CSMD1: variants seen among roughly 807,000 people sequenced by gnomAD.
CSMD1 encodes the protein CUB and sushi domain-containing protein 1.
A neutral mutation model predicts 417.5 loss-of-function variants in CSMD1; 213 were observed. The ratio of observed to expected loss-of-function variants is 0.51; its 90% confidence interval spans 0.46 to 0.57. The LOEUF (loss-of-function observed/expected upper bound fraction) is 0.57, where lower values mean the gene tolerates loss of function less well. Ranked by LOEUF, CSMD1 falls within the 20% of genes least tolerant of loss-of-function variation. The pLI is 0.00. For synonymous variants in CSMD1, 2,862 were observed against 1,736.8 expected (o/e 1.65, Z -16.11); for missense variants, 6,923 against 4,529.7 (o/e 1.53, Z -15.17).
chr8:3,718,296 A>C (rs574170651), intron 6 of CSMD1, among the ~76,000 whole-genome samples: 1 of 151,750 alleles, frequency 6.6e-6, no homozygotes, highest in East Asian at 1.9e-4. Flanking sequence ...GCATTCCTGC[A>C]TTTTTTTTAT....
intron 3 of CSMD1, among the ~76,000 whole-genome samples, chr8:4,402,091 C>G (rs959891085): frequency 6.6e-6 from 1 of 152,050 alleles, no homozygotes; most frequent in Non-Finnish European, 1.5e-5. Flanking sequence ...TTCTCAACCT[C>G]CTCCCCTTCC....
At chr8:4,124,353 C>A (rs541467379) in intron 3 of CSMD1, among the ~76,000 whole-genome samples, 2 of 152,150 alleles carry the variant, frequency 1.3e-5, no homozygotes, top group South Asian at 4.1e-4. Flanking sequence ...CTTTTCTTTA[C>A]GGATATGAAA....
chr8:4,442,309 AAC>A (rs1798530919), intron 2 of CSMD1, among the ~76,000 whole-genome samples: 2 of 152,308 alleles, frequency 1.3e-5, no homozygotes, highest in East Asian at 1.9e-4. Context: ...AAAAGAAATG[AAC>A]ACAAAGTATA....
At chr8:3,811,401 T>C (rs961345918) in intron 5 of CSMD1, among the ~76,000 whole-genome samples, 2 of 152,178 alleles carry the variant, frequency 1.3e-5, no homozygotes, top group East Asian at 1.9e-4. Context: ...CTATAGACCA[T>C]GTAGTAAGGC....
At chr8:3,388,978 G>A (rs935493441) in intron 17 of CSMD1, among the ~76,000 whole-genome samples, 1 of 151,404 alleles carries the variant, frequency 6.6e-6, no homozygotes, top group Non-Finnish European at 1.5e-5. Context: ...CTTCTTCCAG[G>A]ACACTCCCAC....
intron 6 of CSMD1, among the ~76,000 whole-genome samples, chr8:3,719,584 G>T (rs13272777): frequency 0.097 from 14,773 of 152,176 alleles, 1,309 homozygotes; most frequent in East Asian, 0.33. Context: ...TACATCTCTT[G>T]CAAGAGTGCT....
intron 23 of CSMD1, among the ~76,000 whole-genome samples, chr8:3,315,041 C>G (rs188905913): frequency 3.9e-5 from 6 of 152,190 alleles, no homozygotes; most frequent in East Asian, 1.9e-4. Flanking sequence ...TCATGAGCAA[C>G]TGAAAAAAGC....
At chr8:3,635,134 T>G (rs1169452026) in intron 7 of CSMD1, among the ~76,000 whole-genome samples, 1 of 152,048 alleles carries the variant, frequency 6.6e-6, no homozygotes, top group Non-Finnish European at 1.5e-5. Flanking sequence ...ACTCAGTAAG[T>G]GGACGGTGAG....
intron 49 of CSMD1, among the ~76,000 whole-genome samples, chr8:3,056,016 G>C (rs1339628024): frequency 6.6e-6 from 1 of 152,172 alleles, no homozygotes; most frequent in Admixed American, 6.5e-5. Flanking sequence ...ATTATACGCA[G>C]AAAATCTAAT....
intron 3 of CSMD1, among the ~76,000 whole-genome samples, chr8:4,252,217 A>G (rs1803128831): frequency 1.3e-5 from 2 of 152,144 alleles, no homozygotes; most frequent in Non-Finnish European, 1.5e-5. Flanking sequence ...ACAAAGGTAA[A>G]CAGGCATAGA....
intron 3 of CSMD1, among the ~76,000 whole-genome samples, chr8:4,393,496 G>C (rs1803997510): frequency 6.6e-6 from 1 of 152,170 alleles, no homozygotes; most frequent in Non-Finnish European, 1.5e-5. Context: ...CCACTATGTA[G>C]ATTTAAACAT....
chr8:4,159,217 G>A lies in CSMD1; in HGVS notation c.416-127118C>T, dbSNP rs541075191. On this transcript the variant is annotated intron_variant, in intron 3 of 69. Coordinates refer to ENST00000635120, the MANE Select transcript of CSMD1 (RefSeq NM_033225.6). ...AGGCATGAGCCACCGTGCCCAGCCCGTAATTCTTTATTGATAGATAACCGT... is the reference window on the plus strand; with the variant it reads ...AGGCATGAGCCACCGTGCCCAGCCCATAATTCTTTATTGATAGATAACCGT... Among the ~76,000 whole-genome samples the A allele has an allele frequency of 1.1e-4, 17 of 152,164 alleles. No homozygotes were observed. The East Asian group carries it at 1.4e-3, about 12-fold the overall frequency.
chr8:3,843,096 ATTTATTC>A (rs1479789663), intron 5 of CSMD1, among the ~76,000 whole-genome samples: 1 of 152,112 alleles, frequency 6.6e-6, no homozygotes, highest in Non-Finnish European at 1.5e-5. Context: ...TTCTCTTTTT[ATTTATTC>A]TTTAGAGAGT....
chr8:4,565,779 T>C (rs200228740), intron 2 of CSMD1, among the ~76,000 whole-genome samples: 128 of 38,448 alleles, frequency 3.3e-3, no homozygotes, highest in Non-Finnish European at 4.4e-3. Flanking sequence ...TATATATATA[T>C]ATATATATAT....
intron 26 of CSMD1, among the ~76,000 whole-genome samples, chr8:3,280,030 G>C (rs1802608133): frequency 6.6e-6 from 1 of 152,180 alleles, no homozygotes; most frequent in African/African-American, 2.4e-5. Flanking sequence ...GCAGCAGCTT[G>C]AGCAAAGCCG....
chr8:4,139,362 G>C (rs1363321227), intron 3 of CSMD1, among the ~76,000 whole-genome samples: 5 of 152,160 alleles, frequency 3.3e-5, no homozygotes, highest in Admixed American at 3.3e-4. Flanking sequence ...ACCAGGTAGA[G>C]GGTATCACAG....
intron 33 of CSMD1, among the ~76,000 whole-genome samples, chr8:3,195,652 C>T (rs1172256772): frequency 6.6e-6 from 1 of 152,104 alleles, no homozygotes; most frequent in Non-Finnish European, 1.5e-5. Context: ...CTTGATGGTA[C>T]AAGACCAGGG....
intron 3 of CSMD1, among the ~76,000 whole-genome samples, chr8:4,060,389 A>G (rs1193220335): frequency 2.0e-5 from 3 of 152,242 alleles, no homozygotes; most frequent in African/African-American, 7.2e-5. Flanking sequence ...GGCACAAGAC[A>G]GGGATGCCCT....
intron 40 of CSMD1, among the ~76,000 whole-genome samples, chr8:3,149,013 C>G (rs1001004358): frequency 2.6e-5 from 4 of 152,108 alleles, no homozygotes; most frequent in African/African-American, 9.7e-5. Flanking sequence ...TCTTTAAACC[C>G]TCAGGCTATG....
Sources: gnomAD v4.1 joint callset for allele counts (sites outside exome capture counted in the v4.1 genomes callset) on GRCh38, gnomAD v4.1.1 for gene constraint, MANE v1.5 for transcripts, NCBI Gene and HGNC (gene_info 2026-07-23, HGNC 2026-07-21) for gene names.